IP6K2: variants seen among roughly 807,000 people sequenced by gnomAD.
IP6K2 encodes the protein ATP:1D-myo-inositol-hexakisphosphate phosphotransferase.
In IP6K2, 9 loss-of-function variants were observed where a neutral mutation model predicts 43.3. The ratio of observed to expected loss-of-function variants is 0.21; its 90% CI spans 0.13 to 0.36. The LOEUF (loss-of-function observed/expected upper bound fraction) is 0.36. Ranked by LOEUF, IP6K2 falls within the 10% of genes least tolerant of loss-of-function variation. The probability of loss-of-function intolerance (pLI) is 1.00; values close to 1 mark genes in which losing one functional copy is unlikely to be tolerated. For synonymous variants in IP6K2, 209 were observed against 202.4 expected, an observed-to-expected ratio of 1.03 and a Z score of -0.28; for missense variants, 332 against 538.4, an observed-to-expected ratio of 0.62 and a Z score of 3.79.
At chr3:48,715,301 T>C (rs1474209451) in intron 1 of IP6K2, 4 of 1,536,070 alleles carry the variant, frequency 2.6e-6, no homozygotes, top group East Asian at 4.9e-5. Flanking sequence ...AGCCAAACAA[T>C]GGAAAATTTT....
At chr3:48,689,783 A>T in intron 4 of IP6K2, 70 bp from the exon 5 acceptor site, 1 of 1,378,754 alleles carries the variant, frequency 7.3e-7, no homozygotes, top group Non-Finnish European at 1.0e-6. Flanking sequence ...CTCAAGGTAC[A>T]GTGCCTTGAT....
At chr3:48,710,062 A>G (rs374370753) in intron 1 of IP6K2, among the ~76,000 whole-genome samples, 62 of 152,298 alleles carry the variant, frequency 4.1e-4, no homozygotes, top group African/African-American at 1.5e-3. Context: ...CCAGTTTGTG[A>G]GGAAAGCAGT....
intron 1 of IP6K2, among the ~76,000 whole-genome samples, chr3:48,698,724 T>TG (rs1413077899): frequency 2.0e-5 from 3 of 151,948 alleles, no homozygotes; most frequent in African/African-American, 7.2e-5. Context: ...CTGCCCGCCT[T>TG]GGCCTCCCAA....
Position 48,688,329 on chromosome 3 carries a change from C to T in IP6K2, c.1225G>A (p.Gly409Arg). The change falls in exon 6 of 6, where the codon GGG (glycine) becomes AGG (arginine). Residue 409 changes from glycine (G) to arginine (R), a missense_variant. Transcript: ENST00000328631. This position sits in a 1 kb window ranked among gnomAD's most constrained non-coding sequence, Gnocchi z 5.1. ...HEGQDAGYIF[G>R]LQSLIDIVTE... ...ACAATGTCTATCAGGCTCTGGAGCC[C>T]GAAGATATAGCCAGCATCCTGGCCC... 2 of 1,614,180 alleles carry T rather than the reference C, an allele frequency of 1.2e-6. No individual in the cohort carries two copies. The highest frequency in any genetic ancestry group is 1.7e-6 in the Non-Finnish European group (2 of 1,180,018).
At chr3:48,689,421 G>A (rs1160581474) in intron 5 of IP6K2, 117 bp downstream of exon 5, 6 of 1,066,432 alleles carry the variant, frequency 5.6e-6, no homozygotes, top group Non-Finnish European at 6.7e-6. Flanking sequence ...CAAAGTGCTG[G>A]GATTACAGGT....
intron 1 of IP6K2, among the ~76,000 whole-genome samples, chr3:48,714,137 A>G (rs531616930): frequency 6.6e-6 from 1 of 152,286 alleles, no homozygotes; most frequent in South Asian, 2.1e-4. Flanking sequence ...AAACAAAACA[A>G]AACAAAAAAC....
chr3:48,688,257 G>T lies in IP6K2; in HGVS notation c.*16C>A, dbSNP rs1180729507. On this transcript the variant is annotated 3_prime_UTR_variant, in exon 6 of 6. Coordinates refer to ENST00000328631, the MANE Select transcript of IP6K2 (RefSeq NM_016291.4). This position sits in a 1 kb window ranked among gnomAD's most constrained non-coding sequence, Gnocchi z 5.1. ...GGACACAGAGTCGCTCTCAAGTACT[G>T]GAGCAGCTAGCAAGCTCACTCCCCA... 1 of 1,610,102 alleles carries T rather than the reference G, an allele frequency of 6.2e-7. No individual in the cohort carries two copies. The highest frequency in any genetic ancestry group is 1.3e-5 in the African/African-American group (1 of 74,854).
chr3:48,697,488 ATTTTTTTTTTTTT>A (rs35746542), intron 1 of IP6K2, among the ~76,000 whole-genome samples: 2 of 64,326 alleles, frequency 3.1e-5, no homozygotes, highest in East Asian at 4.9e-4. Flanking sequence ...ATGCCTGGCT[ATTTTTTTTTTTTT>A]TTTTTTTTTT....
chr3:48,707,444 T>C (rs548368495), intron 1 of IP6K2, among the ~76,000 whole-genome samples: 2 of 152,312 alleles, frequency 1.3e-5, no homozygotes, highest in South Asian at 4.1e-4. Context: ...GGTTTTATTT[T>C]ATCTTTTGAG....
In IP6K2 at chr3:48,695,662, CAG is replaced by C; in HGVS notation, c.-130-243_-130-242del. On this transcript the variant is annotated intron_variant, in intron 1 of 5. Coordinates refer to ENST00000328631, the MANE Select transcript of IP6K2 (RefSeq NM_016291.4). This position sits in a 1 kb window ranked among gnomAD's most constrained non-coding sequence, Gnocchi z 4.6. ...AATGGGTTCAGGGGCCCTAAAAAGG[CAG>C]AGGTCCCACTACGGTGTTAGAAAGC... The C allele has an allele frequency of 2.5e-6, 1 of 398,024 alleles. No individual in the cohort carries two copies. Among genetic ancestry groups the C allele is most frequent in the Non-Finnish European group, 4.3e-6 (1 of 232,762 alleles). The allele number at this position is 398,024 out of a possible 1,614,324, so 24.7% of individuals were successfully genotyped here.
intron 2 of IP6K2, chr3:48,694,111 C>A: frequency 6.7e-7 from 1 of 1,497,296 alleles, no homozygotes. Flanking sequence ...TCTGAGGTGG[C>A]CCCCAGCTCT....
At chr3:48,710,855 C>T (rs545937518) in intron 1 of IP6K2, among the ~76,000 whole-genome samples, 4 of 152,200 alleles carry the variant, frequency 2.6e-5, no homozygotes, top group East Asian at 1.9e-4. Context: ...GTGATCCATC[C>T]GCCTCGGCCG....
chr3:48,713,030 AT>A (rs2080745490), intron 1 of IP6K2, among the ~76,000 whole-genome samples: 2 of 152,168 alleles, frequency 1.3e-5, no homozygotes, highest in African/African-American at 2.4e-5. Context: ...AACAATAATA[AT>A]AATAAATATA....
At chr3:48,712,802 A>G (rs1298953424) in intron 1 of IP6K2, among the ~76,000 whole-genome samples, 1 of 151,974 alleles carries the variant, frequency 6.6e-6, no homozygotes, top group Non-Finnish European at 1.5e-5. Flanking sequence ...GGATCACTTG[A>G]GGTCAGGAGT....
intron 1 of IP6K2, among the ~76,000 whole-genome samples, chr3:48,699,208 C>G (rs183230079): frequency 6.6e-6 from 1 of 151,988 alleles, no homozygotes; most frequent in Non-Finnish European, 1.5e-5. Context: ...GTCTGGAGTT[C>G]GAGACCAGCC....
Position 48,695,235 on chromosome 3 carries a change from C to T in IP6K2, c.57G>A (p.Leu19=), listed in dbSNP as rs951013834. The change falls in exon 2 of 6, where the codon CTG becomes CTA. Residue 19 remains leucine, a synonymous_variant. Transcript: ENST00000328631. The surrounding 1 kb of genome is among the most constrained non-coding windows in gnomAD (Gnocchi z 4.6). ...CCCCGACCTGGTGGACAAAGGGCTCCAGAAGGACGCCTTTGGCGCGGGGCT... is the reference window on the plus strand; with the variant it reads ...CCCCGACCTGGTGGACAAAGGGCTCTAGAAGGACGCCTTTGGCGCGGGGCT... ...DVEPRAKGVL[L]EPFVHQVGGH... The T allele has an allele frequency of 6.3e-7, 1 of 1,577,572 alleles. No homozygotes were observed. Among genetic ancestry groups the T allele is most frequent in the Non-Finnish European group, 8.7e-7 (1 of 1,155,990 alleles).
intron 1 of IP6K2, among the ~76,000 whole-genome samples, chr3:48,706,671 C>T (rs1172711028): frequency 1.3e-5 from 2 of 152,106 alleles, no homozygotes; most frequent in African/African-American, 4.8e-5. Context: ...AAAACCCCAT[C>T]TCCACTAAAA....
chr3:48,698,922 G>C (rs183151441), intron 1 of IP6K2, among the ~76,000 whole-genome samples: 272 of 152,000 alleles, frequency 1.8e-3, no homozygotes, highest in Non-Finnish European at 3.3e-3. Context: ...CTGGGTGACA[G>C]AGTAAGACCC....
At chr3:48,693,771 C>T (rs948026405) in intron 2 of IP6K2, 2 of 1,040,920 alleles carry the variant, frequency 1.9e-6, no homozygotes, top group Non-Finnish European at 2.3e-6. Flanking sequence ...GCCTTTTGTT[C>T]TTATAAAATA....
Sources: allele counts gnomAD v4.1 joint callset (sites outside exome capture counted in the v4.1 genomes callset), GRCh38; gene constraint gnomAD v4.1.1; non-coding constraint Gnocchi (gnomAD v3.1); transcripts MANE v1.5; gene names NCBI Gene and HGNC (gene_info 2026-07-23, HGNC 2026-07-21).